The following CAMKMT variants were observed in gnomAD, a reference collection of about 807,000 sequenced individuals.
The protein encoded by CAMKMT is calmodulin-lysine N-methyltransferase.
A neutral mutation model predicts 48.0 loss-of-function variants in CAMKMT; 53 were observed. The observed-to-expected ratio is 1.10, with a 90% CI of 0.89 to 1.39. The LOEUF is 1.39. Among genes scored for constraint, CAMKMT ranks in the 40% most tolerant of loss-of-function variants. The probability of loss-of-function intolerance (pLI) is 0.00; values close to 1 mark genes in which losing one functional copy is unlikely to be tolerated. For missense variants in CAMKMT, 428 were observed against 402.7 expected (o/e 1.06, Z -0.54); for synonymous variants, 165 against 152.3 (o/e 1.08, Z -0.61).
chr2:44,663,615 G>A lies in CAMKMT; in HGVS notation c.377-40668G>A, dbSNP rs143016784. ...TCCTTCCTGCAGATGTGGCATGGCT[G>A]TTAGATTGTCCTTTTGCCCTGAGGC... On this transcript the variant is annotated intron_variant, in intron 3 of 10. Transcript: ENST00000378494. 4.7e-3 allele frequency among the ~76,000 whole-genome samples: 711 copies of A among 152,310 alleles called. 2 individuals are homozygous for A. The highest frequency in any genetic ancestry group is 0.016 in the African/African-American group (675 of 41,570).
intron 3 of CAMKMT, among the ~76,000 whole-genome samples, chr2:44,436,302 T>TCCTGACCTCAAATGATCTGCCCA (rs1230605452): frequency 6.6e-6 from 1 of 152,138 alleles, no homozygotes; most frequent in East Asian, 1.9e-4. Context: ...GGTCTCGAAC[T>TCCTGACCTCAAATGATCTGCCCA]CCTGACCTCA....
At chr2:44,524,733 T>TTATTGTG (rs1385157201) in intron 3 of CAMKMT, among the ~76,000 whole-genome samples, 1 of 152,244 alleles carries the variant, frequency 6.6e-6, no homozygotes, top group Non-Finnish European at 1.5e-5. Context: ...TTTGTGTATT[T>TTATTGTG]ACCTGTATGT....
At chr2:44,539,905 T>A (rs1409459620) in intron 3 of CAMKMT, among the ~76,000 whole-genome samples, 2 of 152,182 alleles carry the variant, frequency 1.3e-5, no homozygotes, top group Non-Finnish European at 2.9e-5. Flanking sequence ...ACAAAGGTGA[T>A]GGCTTCCAGG....
At chr2:44,689,142 G>T (rs1023682604) in intron 3 of CAMKMT, among the ~76,000 whole-genome samples, 1 of 152,142 alleles carries the variant, frequency 6.6e-6, no homozygotes, top group East Asian at 1.9e-4. Context: ...GTCTGTGTTC[G>T]GGATGTGGCT....
At chr2:44,756,178 AG>A (rs1222954158) in intron 9 of CAMKMT, among the ~76,000 whole-genome samples, 4 of 152,214 alleles carry the variant, frequency 2.6e-5, no homozygotes, top group African/African-American at 9.6e-5. Context: ...TGGGCTTGCC[AG>A]TGAAGAGCCC....
chr2:44,587,249 A>T (rs1487029433), intron 3 of CAMKMT, among the ~76,000 whole-genome samples: 1 of 152,208 alleles, frequency 6.6e-6, no homozygotes, highest in Non-Finnish European at 1.5e-5. Context: ...CTTCTTAACA[A>T]TACTGAGTCT....
intron 7 of CAMKMT, among the ~76,000 whole-genome samples, chr2:44,718,578 G>A (rs778931386): frequency 3.9e-5 from 6 of 152,174 alleles, no homozygotes; most frequent in Non-Finnish European, 8.8e-5. Flanking sequence ...CAATTGTTGG[G>A]TTTATCTAAA....
intron 3 of CAMKMT, among the ~76,000 whole-genome samples, chr2:44,658,861 A>G (rs17390344): frequency 6.6e-5 from 10 of 151,966 alleles, no homozygotes; most frequent in Admixed American, 6.6e-4. Flanking sequence ...TCTACTCTTT[A>G]CTTGGACTGC....
chr2:44,437,955 T>C (rs2104554633), intron 3 of CAMKMT, among the ~76,000 whole-genome samples: 1 of 152,324 alleles, frequency 6.6e-6, no homozygotes, highest in East Asian at 1.9e-4. Flanking sequence ...TGTGTGTTTT[T>C]TTTTCCTGCC....
chr2:44,525,542 C>A (rs895044300), intron 3 of CAMKMT, among the ~76,000 whole-genome samples: 1 of 152,180 alleles, frequency 6.6e-6, no homozygotes, highest in African/African-American at 2.4e-5. Context: ...GCGTGAGCCA[C>A]CATGCTGGGC....
intron 3 of CAMKMT, among the ~76,000 whole-genome samples, chr2:44,546,078 GAGAGT>G (rs1667378652): frequency 2.0e-5 from 3 of 150,776 alleles, no homozygotes; most frequent in Non-Finnish European, 4.4e-5. Flanking sequence ...CTTTTATATA[GAGAGT>G]TATCTTTTGT....
intron 3 of CAMKMT, among the ~76,000 whole-genome samples, chr2:44,532,817 GTTT>G (rs371505482): frequency 6.8e-6 from 1 of 146,082 alleles, no homozygotes. Flanking sequence ...TGCCATTAAA[GTTT>G]TTTTTTTTTT....
chr2:44,557,483 G>C (rs1313219265), intron 3 of CAMKMT, among the ~76,000 whole-genome samples: 1 of 152,190 alleles, frequency 6.6e-6, no homozygotes, highest in African/African-American at 2.4e-5. Context: ...GGGAATATTA[G>C]TGGAATGGTC....
chr2:44,749,353 C>T (rs1680057688), intron 8 of CAMKMT, among the ~76,000 whole-genome samples: 2 of 152,164 alleles, frequency 1.3e-5, no homozygotes, highest in East Asian at 3.8e-4. Flanking sequence ...TGTGTACTAC[C>T]CACTTTAGGG....
At chr2:44,427,025 A>G (rs560526613) in intron 3 of CAMKMT, among the ~76,000 whole-genome samples, 1 of 152,300 alleles carries the variant, frequency 6.6e-6, no homozygotes, top group South Asian at 2.1e-4. Flanking sequence ...CCATATACCT[A>G]CAACCAACTG....
intron 3 of CAMKMT, among the ~76,000 whole-genome samples, chr2:44,674,512 C>T: frequency 6.6e-6 from 1 of 152,116 alleles, no homozygotes; most frequent in South Asian, 2.1e-4. Context: ...AGTAATGCCT[C>T]CACACAATGA....
chr2:44,429,807 CAAA>C (rs1168195679), intron 3 of CAMKMT, among the ~76,000 whole-genome samples: 2 of 64,766 alleles, frequency 3.1e-5, no homozygotes, highest in South Asian at 6.9e-4. Context: ...GACTCCGTCT[CAAA>C]AAAAAAAAAA....
At chr2:44,433,143 T>C (rs577406291) in intron 3 of CAMKMT, among the ~76,000 whole-genome samples, 123 of 152,312 alleles carry the variant, frequency 8.1e-4, no homozygotes, top group Middle Eastern at 3.4e-3. Flanking sequence ...TTATATCTTT[T>C]TACAAATTTT....
intron 6 of CAMKMT, among the ~76,000 whole-genome samples, chr2:44,710,367 A>C (rs1279044327): frequency 6.6e-6 from 1 of 152,268 alleles, no homozygotes; most frequent in East Asian, 1.9e-4. Context: ...AGATATTAAG[A>C]CTTGAGGTAA....
Sources: gnomAD v4.1 joint callset for allele counts (sites outside exome capture counted in the v4.1 genomes callset) on GRCh38, gnomAD v4.1.1 for gene constraint, MANE v1.5 for transcripts, NCBI Gene and HGNC (gene_info 2026-07-23, HGNC 2026-07-21) for gene names.